WWP2: variants seen among roughly 807,000 people sequenced by gnomAD.
The protein encoded by WWP2 is NEDD4-like E3 ubiquitin-protein ligase WWP2.
WWP2 carries 57 observed loss-of-function variants against 121.0 expected under a neutral mutation model. The observed-to-expected ratio is 0.47, with a 90% CI of 0.38 to 0.59. The LOEUF (loss-of-function observed/expected upper bound fraction) is 0.59. Among genes scored for constraint, WWP2 ranks in the 20% least tolerant of loss-of-function variants. The pLI is 0.00. For synonymous variants in WWP2, 449 were observed against 441.3 expected (o/e 1.02, Z -0.22); for missense variants, 962 against 1,158.9 (o/e 0.83, Z 2.47).
At chr16:69,870,456 A>C (rs1431286472) in intron 6 of WWP2, among the ~76,000 whole-genome samples, 1 of 152,026 alleles carries the variant, frequency 6.6e-6, no homozygotes, top group African/African-American at 2.4e-5. Context: ...ATGCACCGGT[A>C]GTGCAGCTAG....
chr16:69,933,384 G>T (rs546603673), intron 16 of WWP2, among the ~76,000 whole-genome samples: 1 of 152,166 alleles, frequency 6.6e-6, no homozygotes, highest in African/African-American at 2.4e-5. Context: ...GGGTCTGGGG[G>T]TGAAGGGAGG....
chr16:69,913,939 G>C (rs1008703311), intron 9 of WWP2, among the ~76,000 whole-genome samples: 2 of 151,690 alleles, frequency 1.3e-5, no homozygotes, highest in African/African-American at 4.8e-5. Context: ...AGGCGTGGTG[G>C]TGCTTGCCTA....
In WWP2 at chr16:69,921,515, A is replaced by C. The variant is rs148356857; in HGVS notation, c.1179+3632A>C. The stretch of plus-strand genomic sequence containing the variant: ...CTTCCTGCTGTCTGCCTCAACACAC[A>C]CCTTCTCCAGTTCCTCTAAATTCTG... On this transcript the variant is annotated intron_variant, in intron 10 of 23. Transcript: ENST00000359154. Among the ~76,000 whole-genome samples, 370 of 151,994 alleles carry C rather than the reference A, an allele frequency of 2.4e-3. 2 individuals carry two copies. Among genetic ancestry groups the C allele is most frequent in the African/African-American group, 8.5e-3 (353 of 41,456 alleles).
intron 8 of WWP2, among the ~76,000 whole-genome samples, chr16:69,897,250 A>G (rs1431522894): frequency 6.6e-6 from 1 of 152,032 alleles, no homozygotes; most frequent in Non-Finnish European, 1.5e-5. Flanking sequence ...CCACAGGCAC[A>G]TCCTACCATG....
At chr16:69,885,612 G>A (rs762222295) in intron 7 of WWP2, among the ~76,000 whole-genome samples, 5 of 152,132 alleles carry the variant, frequency 3.3e-5, no homozygotes, top group East Asian at 1.9e-4. Context: ...TATAATCTTC[G>A]GTTGAATTAG....
chr16:69,901,819 C>T (rs1450904207), intron 8 of WWP2, among the ~76,000 whole-genome samples: 6 of 152,044 alleles, frequency 3.9e-5, no homozygotes, highest in Middle Eastern at 6.3e-3. Context: ...GGCGTGGTGG[C>T]GAGTCCCTGT....
At chr16:69,782,120 T>C (rs2151786526) in intron 1 of WWP2, among the ~76,000 whole-genome samples, 1 of 152,164 alleles carries the variant, frequency 6.6e-6, no homozygotes, top group South Asian at 2.1e-4. Context: ...CTGTCTTTAC[T>C]AAAAATACAG....
At chr16:69,827,361 T>C (rs1280045328) in intron 4 of WWP2, among the ~76,000 whole-genome samples, 2 of 152,144 alleles carry the variant, frequency 1.3e-5, no homozygotes, top group Non-Finnish European at 2.9e-5. Context: ...GCCACTGCAC[T>C]CCAGCCTGGG....
chr16:69,863,712 C>T (rs535610453), intron 6 of WWP2, among the ~76,000 whole-genome samples: 2 of 152,134 alleles, frequency 1.3e-5, no homozygotes, highest in Non-Finnish European at 2.9e-5. Context: ...CCCCAGTGCC[C>T]CTTTGTAGCC....
intron 8 of WWP2, among the ~76,000 whole-genome samples, chr16:69,899,143 T>C (rs1255447074): frequency 1.3e-5 from 2 of 152,248 alleles, no homozygotes; most frequent in Non-Finnish European, 2.9e-5. Context: ...TAATTTTAAA[T>C]AGCCAAATCT....
At chr16:69,783,766 T>C (rs184867155) in intron 1 of WWP2, among the ~76,000 whole-genome samples, 402 of 123,354 alleles carry the variant, frequency 3.3e-3, no homozygotes, top group Admixed American at 5.8e-3. Context: ...GGCAACGTAG[T>C]GAGACCTTGT....
At chr16:69,914,189 G>T (rs906416599) in intron 9 of WWP2, among the ~76,000 whole-genome samples, 3 of 151,562 alleles carry the variant, frequency 2.0e-5, no homozygotes, top group African/African-American at 7.3e-5. Context: ...AGAACTTGCG[G>T]AATAGCAGGA....
chr16:69,871,737 G>C, intron 6 of WWP2, 67 bp from the exon 7 acceptor site: 1 of 1,591,430 alleles, frequency 6.3e-7, no homozygotes, highest in Non-Finnish European at 8.6e-7. Context: ...TGATGACTTA[G>C]GTAGGAAACA....
intron 1 of WWP2, among the ~76,000 whole-genome samples, chr16:69,786,554 G>C (rs1311655882): frequency 6.7e-6 from 1 of 148,598 alleles, no homozygotes; most frequent in Non-Finnish European, 1.5e-5. Context: ...GGGCTCAAGT[G>C]ATTCTCCTGC....
At chr16:69,864,030 C>T (rs369558285) in intron 6 of WWP2, among the ~76,000 whole-genome samples, 2 of 152,286 alleles carry the variant, frequency 1.3e-5, no homozygotes, top group African/African-American at 2.4e-5. Flanking sequence ...CTTTTGCATA[C>T]AGGCTTTTAT....
At chr16:69,831,573 C>T (rs1453196503) in intron 4 of WWP2, among the ~76,000 whole-genome samples, 4 of 152,090 alleles carry the variant, frequency 2.6e-5, no homozygotes, top group African/African-American at 9.7e-5. Context: ...AAAAGTAACT[C>T]TTAGAAAAAT....
intron 9 of WWP2, among the ~76,000 whole-genome samples, chr16:69,911,950 T>C (rs2058384361): frequency 6.6e-6 from 1 of 152,102 alleles, no homozygotes; most frequent in Admixed American, 6.6e-5. Context: ...CATGGGGCTC[T>C]GGAAAGCCTC....
chr16:69,842,919 C>G (rs1033437046), intron 6 of WWP2, among the ~76,000 whole-genome samples: 1 of 152,114 alleles, frequency 6.6e-6, no homozygotes, highest in African/African-American at 2.4e-5. Context: ...TTCTCCTGTC[C>G]TGGCCTCCCA....
intron 6 of WWP2, among the ~76,000 whole-genome samples, chr16:69,862,348 A>G (rs1038529713): frequency 2.0e-5 from 3 of 152,138 alleles, no homozygotes; most frequent in African/African-American, 7.2e-5. Flanking sequence ...TACAGGCGTG[A>G]GCTACCGCGC....
Sources: allele counts gnomAD v4.1 joint callset (sites outside exome capture counted in the v4.1 genomes callset), GRCh38; gene constraint gnomAD v4.1.1; transcripts MANE v1.5; gene names NCBI Gene and HGNC (gene_info 2026-07-23, HGNC 2026-07-21).